SORBS2: variants seen among roughly 807,000 people sequenced by gnomAD.
The protein encoded by SORBS2 is sorbin and SH3 domain-containing protein 2.
In SORBS2, 46 loss-of-function variants were observed where a neutral mutation model predicts 97.7. That is an observed-to-expected ratio of 0.47 (90% confidence interval 0.37 to 0.60). The LOEUF (loss-of-function observed/expected upper bound fraction) is 0.60. Among genes scored for constraint, SORBS2 ranks in the 20% least tolerant of loss-of-function variants. SORBS2 has a pLI of 0.00. For synonymous variants in SORBS2, 476 were observed against 473.4 expected (o/e 1.01, Z -0.07); for missense variants, 1,316 against 1,282.3 (o/e 1.03, Z -0.40).
At position 185,623,089 on chromosome 4, in the gene SORBS2, T is replaced by C. The variant is rs768341951; in HGVS notation, c.2040A>G (p.Arg680=). Residue 680 remains arginine (R), a synonymous_variant, in exon 7 of 15, where the codon AGA becomes AGG. Transcript: ENST00000418609. The surrounding 1 kb of genome is among the most constrained non-coding windows in gnomAD (Gnocchi z 6.4). ...GGTGCAGGGGGCTCCTCCTCAGCGCTCTCAGGGATGAGTTCCTCTCGGGAA... is the reference window on the plus strand; with the variant it reads ...GGTGCAGGGGGCTCCTCCTCAGCGCCCTCAGGGATGAGTTCCTCTCGGGAA... The C allele has an allele frequency of 6.2e-6, 10 of 1,613,926 alleles. No individual in the cohort carries two copies. The highest frequency in any genetic ancestry group is 8.5e-6 in the Non-Finnish European group (10 of 1,179,996).
At chr4:185,718,534 G>A (rs2098484624) in intron 2 of SORBS2, among the ~76,000 whole-genome samples, 2 of 152,234 alleles carry the variant, frequency 1.3e-5, no homozygotes, top group Admixed American at 6.5e-5. Context: ...CTGCTGTCTT[G>A]TTGGTTGCTG....
intron 4 of SORBS2, among the ~76,000 whole-genome samples, chr4:185,674,139 C>G (rs572231396): frequency 6.6e-6 from 1 of 152,202 alleles, no homozygotes; most frequent in Non-Finnish European, 1.5e-5. Flanking sequence ...AGTACAGGCT[C>G]TTACATCCAA....
rs190892929 is a variant in SORBS2, at chr4:185,741,753, A to T, written c.-198+33474T>A. Reference sequence around the variant, plus strand: ...ACATAAAATAAATTAAAATACATTTAAAAAAAAATTACCTGCTTTACTTCT... The same window carrying T: ...ACATAAAATAAATTAAAATACATTTTAAAAAAAATTACCTGCTTTACTTCT... On this transcript the variant is annotated intron_variant, in intron 2 of 20. Coordinates refer to the SORBS2 transcript ENST00000284776. Among the ~76,000 whole-genome samples, 488 of 150,146 alleles carry T rather than the reference A, an allele frequency of 3.3e-3. 3 individuals carry two copies. The highest frequency in any genetic ancestry group is 0.011 in the African/African-American group (434 of 41,302).
At chr4:185,860,595 A>G (rs2099223153) in intron 1 of SORBS2, among the ~76,000 whole-genome samples, 1 of 152,198 alleles carries the variant, frequency 6.6e-6, no homozygotes, top group Non-Finnish European at 1.5e-5. Flanking sequence ...TCCATAACAC[A>G]GCCTCAGGGG....
intron 8 of SORBS2, among the ~76,000 whole-genome samples, chr4:185,619,371 T>G (rs1031830960): frequency 6.6e-6 from 1 of 152,204 alleles, no homozygotes; most frequent in Non-Finnish European, 1.5e-5. Context: ...TGGTGAACTT[T>G]AGGAATCCTG....
At chr4:185,828,111 C>T (rs1407393392) in intron 1 of SORBS2, among the ~76,000 whole-genome samples, 1 of 152,136 alleles carries the variant, frequency 6.6e-6, no homozygotes, top group East Asian at 1.9e-4. Context: ...ACTGAAGGGG[C>T]TTTGGGGATG....
chr4:185,912,382 C>T (rs1032880105), intron 1 of SORBS2, among the ~76,000 whole-genome samples: 3 of 151,734 alleles, frequency 2.0e-5, no homozygotes, highest in Non-Finnish European at 4.4e-5. Context: ...GTCAGGAGTT[C>T]GAGACCAGCC....
At chr4:185,620,109 A>T in exon 8 of SORBS2, 1 of 1,612,596 alleles carries the variant, frequency 6.2e-7, no homozygotes, top group Non-Finnish European at 8.5e-7. Flanking sequence ...ACTTCTCCCC[A>T]TGTCAGTCAA....
At chr4:185,737,909 A>T (rs890304272) in intron 2 of SORBS2, among the ~76,000 whole-genome samples, 1 of 152,142 alleles carries the variant, frequency 6.6e-6, no homozygotes, top group Non-Finnish European at 1.5e-5. Context: ...TCCAGGGAGG[A>T]GGCGGAGGGG....
chr4:185,825,226 T>C (rs981096808), intron 1 of SORBS2, among the ~76,000 whole-genome samples: 1 of 150,056 alleles, frequency 6.7e-6, no homozygotes, highest in Non-Finnish European at 1.5e-5. Flanking sequence ...TTTTTTTTAC[T>C]GTACTGAGTA....
intron 2 of SORBS2, among the ~76,000 whole-genome samples, chr4:185,712,147 C>T (rs1245647730): frequency 6.6e-6 from 1 of 152,134 alleles, no homozygotes; most frequent in Non-Finnish European, 1.5e-5. Context: ...TCTTTACCCG[C>T]TAAAATGTTG....
At chr4:185,827,033 CCACCATCAT>C (rs2099200313) in intron 1 of SORBS2, among the ~76,000 whole-genome samples, 1 of 137,044 alleles carries the variant, frequency 7.3e-6, no homozygotes, top group Non-Finnish European at 1.6e-5. Flanking sequence ...ATCACCATCA[CCACCATCAT>C]CACCACCATC....
intron 14 of SORBS2, among the ~76,000 whole-genome samples, chr4:185,588,360 C>T (rs1020963818): frequency 4.6e-5 from 7 of 152,046 alleles, no homozygotes; most frequent in African/African-American, 1.7e-4. Context: ...TAACCACACG[C>T]ACAAATGGCT....
At chr4:185,794,905 C>T (rs2153651281) in intron 1 of SORBS2, among the ~76,000 whole-genome samples, 1 of 152,242 alleles carries the variant, frequency 6.6e-6, no homozygotes, top group Non-Finnish European at 1.5e-5. Context: ...GCTGCTTTCA[C>T]CTCCAGCCAG....
intron 2 of SORBS2, among the ~76,000 whole-genome samples, chr4:185,729,314 C>T (rs546211480): frequency 4.6e-5 from 7 of 152,346 alleles, no homozygotes; most frequent in African/African-American, 1.7e-4. Flanking sequence ...ACTTTCTACT[C>T]ATCTCTTTCT....
intron 1 of SORBS2, among the ~76,000 whole-genome samples, chr4:185,818,680 G>C (rs1353730758): frequency 6.6e-6 from 1 of 151,914 alleles, no homozygotes; most frequent in East Asian, 1.9e-4. Context: ...CAAAAAATTA[G>C]CTGGGCCTGG....
At chr4:185,654,984 T>C (rs1417924523) in intron 1 of SORBS2, among the ~76,000 whole-genome samples, 1 of 152,244 alleles carries the variant, frequency 6.6e-6, no homozygotes, top group Non-Finnish European at 1.5e-5. Flanking sequence ...TTTTCAGTTT[T>C]GAAAATACTC....
rs918948750 is a variant in SORBS2 at position 185,588,470 on chromosome 4, G to A, written c.2954-782C>T. On this transcript the variant is annotated intron_variant, in intron 14 of 14. Coordinates refer to ENST00000418609, the Ensembl canonical transcript of SORBS2. ...ATTGCTAAATTCTTCTTTAGGCAGC[G>A]CAGATGGACCGGATAAGGGTCTCTC... 3.3e-5 allele frequency among the ~76,000 whole-genome samples: 5 copies of A among 152,136 alleles called. No homozygotes were observed. In the East Asian group the frequency reaches 7.7e-4, roughly 24 times the overall value.
At chr4:185,772,006 G>A (rs2098974260) in intron 2 of SORBS2, 1 of 152,066 alleles carries the variant, frequency 6.6e-6, no homozygotes, top group Admixed American at 6.5e-5. Flanking sequence ...TGTCTCTAAT[G>A]AGAAAAATAA....
Sources: gnomAD v4.1 joint callset for allele counts (sites outside exome capture counted in the v4.1 genomes callset) on GRCh38, gnomAD v4.1.1 for gene constraint, Gnocchi (gnomAD v3.1) non-coding constraint, MANE v1.5 for transcripts, NCBI Gene and HGNC (gene_info 2026-07-23, HGNC 2026-07-21) for gene names.